Variants in TAF4B observed in about 807,000 individuals in gnomAD.
TAF4B encodes the protein transcription initiation factor TFIID subunit 4B.
TAF4B carries 38 observed loss-of-function variants against 86.4 expected under a neutral mutation model. That is an observed-to-expected ratio of 0.44 (90% CI 0.34 to 0.58). TAF4B has a LOEUF of 0.58. Ranked by LOEUF, TAF4B falls within the 20% of genes least tolerant of loss-of-function variation. The pLI is 0.02. For missense variants in TAF4B, 988 were observed against 1,027.6 expected, an observed-to-expected ratio of 0.96 and a Z score of 0.53; for synonymous variants, 388 against 391.2, an observed-to-expected ratio of 0.99 and a Z score of 0.10.
chr18:26,341,398 T>A (rs1016415420), intron 13 of TAF4B, among the ~76,000 whole-genome samples: 3 of 151,840 alleles, frequency 2.0e-5, no homozygotes, highest in Non-Finnish European at 4.4e-5. Flanking sequence ...TCCAGAGGAC[T>A]GGAAAGAAAA....
At chr18:26,331,264 A>G (rs2057048291) in intron 12 of TAF4B, among the ~76,000 whole-genome samples, 2 of 152,202 alleles carry the variant, frequency 1.3e-5, no homozygotes, top group East Asian at 3.8e-4. Flanking sequence ...AAGGTCATAA[A>G]CTATTAAATA....
At position 26,262,049 on chromosome 18, in the gene TAF4B, G is replaced by A. The variant is rs536338320; in HGVS notation, c.344-3121G>A. ...CATGGAACACCTCCAGCCTGTGAAA[G>A]AGCTGGGGTGAGACACTTGAGGTCC... On this transcript the variant is annotated intron_variant, in intron 1 of 14. Coordinates refer to ENST00000269142, the MANE Select transcript of TAF4B (RefSeq NM_005640.3). 5.3e-5 allele frequency among the ~76,000 whole-genome samples: 8 copies of A among 152,312 alleles called. No homozygotes were observed. In the South Asian group the frequency reaches 1.5e-3, roughly 28 times the overall value.
intron 12 of TAF4B, among the ~76,000 whole-genome samples, chr18:26,329,710 A>T (rs2057036136): frequency 6.6e-6 from 1 of 152,262 alleles, no homozygotes; most frequent in Non-Finnish European, 1.5e-5. Context: ...GAATGCACAG[A>T]AATGATGCTG....
Position 26,226,932 on chromosome 18 carries a change from G to A in TAF4B, c.-2G>A, listed in dbSNP as rs1351862150. The A allele has an allele frequency of 2.2e-6, 3 of 1,370,944 alleles. No homozygotes were observed. The highest frequency in any genetic ancestry group is 4.0e-5 in the Admixed American group (1 of 24,824). The allele number at this position is 1,370,944 out of a possible 1,614,324, so 84.9% of individuals were successfully genotyped here. A position where few individuals can be genotyped will look rare whatever the true frequency, so the allele number is the denominator to read the frequency against. ...CCAAAGCTGCCGCTGAGCCCCTGGG[G>A]GATGCCCGCCGGCCTCACCGAACCC... On this transcript the variant is annotated 5_prime_UTR_variant, in exon 1 of 15. Transcript: ENST00000269142.
rs2056360777 is a variant in TAF4B, at chr18:26,274,664, C to T, written c.599C>T (p.Ser200Phe). The T allele has an allele frequency of 6.2e-7, 1 of 1,614,128 alleles. No individual in the cohort carries two copies. The highest frequency in any genetic ancestry group is 8.5e-7 in the Non-Finnish European group (1 of 1,180,016). The change falls in exon 4 of 15, where the codon TCT (serine) becomes TTT (phenylalanine). Residue 200 changes from serine to phenylalanine, a missense_variant and splice_region_variant. By Grantham distance (155) the Ser-to-Phe change is radical. This residue lies in a region of TAF4B where 747 missense variants were observed against 737.9 expected (regional missense o/e 1.01). Transcript: ENST00000269142. Reference sequence around the variant, plus strand: ...AATATTTAATACCTTTAATTTCAGTCTGTGGCTGTGCCAACCAGTGTCGTC... The same window carrying T: ...AATATTTAATACCTTTAATTTCAGTTTGTGGCTGTGCCAACCAGTGTCGTC... ...TTVPKPSSVQ[S>F]VAVPTSVVTV... is the part of the protein sequence containing the mutation.
intron 14 of TAF4B, among the ~76,000 whole-genome samples, chr18:26,367,424 G>T (rs536031052): frequency 1.3e-5 from 2 of 152,332 alleles, no homozygotes; most frequent in African/African-American, 4.8e-5. Flanking sequence ...AGAACCTGGA[G>T]CTCTGATGTC....
At chr18:26,373,714 C>T (rs2057421811) in intron 14 of TAF4B, among the ~76,000 whole-genome samples, 1 of 151,938 alleles carries the variant, frequency 6.6e-6, no homozygotes, top group African/African-American at 2.4e-5. Context: ...ATCTTCTTTC[C>T]ATCCTTTTTT....
chr18:26,294,603 G>T (rs988697164), intron 9 of TAF4B, among the ~76,000 whole-genome samples: 2 of 147,540 alleles, frequency 1.4e-5, no homozygotes, highest in Admixed American at 1.4e-4. Context: ...ATTTTTATAT[G>T]TACAAATATA....
At chr18:26,251,210 C>T (rs184630672) in intron 1 of TAF4B, among the ~76,000 whole-genome samples, 18 of 152,248 alleles carry the variant, frequency 1.2e-4, no homozygotes, top group Admixed American at 9.2e-4. Flanking sequence ...GACTTATATT[C>T]GTGATCTGCT....
intron 1 of TAF4B, among the ~76,000 whole-genome samples, chr18:26,264,503 G>A (rs1161817511): frequency 2.0e-5 from 3 of 152,200 alleles, no homozygotes; most frequent in Admixed American, 6.5e-5. Context: ...GTTATAGATT[G>A]TTGAACTATA....
intron 14 of TAF4B, among the ~76,000 whole-genome samples, chr18:26,364,934 T>A (rs1395893040): frequency 1.3e-5 from 2 of 151,904 alleles, no homozygotes; most frequent in Non-Finnish European, 2.9e-5. Context: ...ATAAAGAAAT[T>A]GCAATATGTA....
intron 1 of TAF4B, among the ~76,000 whole-genome samples, chr18:26,235,428 T>C (rs2055734617): frequency 6.6e-6 from 1 of 152,226 alleles, no homozygotes; most frequent in Admixed American, 6.5e-5. Context: ...TGACTTGTTA[T>C]AGGCAGAGCT....
At chr18:26,245,524 T>C (rs1211366005) in intron 1 of TAF4B, among the ~76,000 whole-genome samples, 4 of 152,050 alleles carry the variant, frequency 2.6e-5, no homozygotes, top group Non-Finnish European at 5.9e-5. Flanking sequence ...CCTATCAGAG[T>C]GCCCTTTTTT....
At chr18:26,380,736 C>A (rs1055815195) in intron 14 of TAF4B, among the ~76,000 whole-genome samples, 1 of 151,988 alleles carries the variant, frequency 6.6e-6, no homozygotes, top group African/African-American at 2.4e-5. Context: ...GGTTTACTTC[C>A]ACCTTATCTG....
chr18:26,374,643 A>G (rs1419862203), intron 14 of TAF4B, among the ~76,000 whole-genome samples: 3 of 152,220 alleles, frequency 2.0e-5, no homozygotes, highest in South Asian at 2.1e-4. Flanking sequence ...ACCTTTTCAT[A>G]GTTTAAATGA....
chr18:26,365,605 C>G (rs2057366554), intron 14 of TAF4B, among the ~76,000 whole-genome samples: 2 of 152,092 alleles, frequency 1.3e-5, no homozygotes, highest in South Asian at 4.2e-4. Context: ...GAGTCCGTGG[C>G]TTTGTCATCT....
chr18:26,361,999 A>T (rs2057336579), intron 14 of TAF4B, among the ~76,000 whole-genome samples: 1 of 152,080 alleles, frequency 6.6e-6, no homozygotes, highest in African/African-American at 2.4e-5. Context: ...TGTAACTTTT[A>T]ATTCCTTTGA....
At chr18:26,349,477 C>T (rs2057227088) in intron 13 of TAF4B, among the ~76,000 whole-genome samples, 1 of 151,288 alleles carries the variant, frequency 6.6e-6, no homozygotes, top group Non-Finnish European at 1.5e-5. Flanking sequence ...AACAAAACCA[C>T]CTGGAAATAA....
rs912353029 is a variant in TAF4B at position 26,304,697 on chromosome 18, C to T, written c.1833-10532C>T. ...ATCAAGAACTAGTGCTAGCCACAGT[C>T]ATTTGCCCTTGAGGCAATTCTTCCT... On this transcript the variant is annotated intron_variant, in intron 9 of 14. Coordinates refer to ENST00000269142, the MANE Select transcript of TAF4B (RefSeq NM_005640.3). The T allele has an allele frequency of 4.7e-5, 46 of 984,652 alleles. No individual in the cohort carries two copies. The African/African-American group carries it at 7.9e-4, about 17-fold the overall frequency. The allele number at this position is 984,652 out of a possible 1,614,324, so 61.0% of individuals were successfully genotyped here.
Sources: allele counts gnomAD v4.1 joint callset (sites outside exome capture counted in the v4.1 genomes callset), GRCh38; gene constraint gnomAD v4.1.1; regional missense constraint gnomAD v4.1.1; transcripts MANE v1.5; gene names NCBI Gene and HGNC (gene_info 2026-07-23, HGNC 2026-07-21).